Variants in RAB30 observed in about 807,000 individuals in gnomAD.
The protein encoded by RAB30 is RAB30, member RAS oncogene family, also known as ras-related protein Rab-30.
In RAB30, 9 loss-of-function variants were observed where a neutral mutation model predicts 25.1. That is an observed-to-expected ratio of 0.36 (90% confidence interval 0.22 to 0.63). The LOEUF is 0.63. RAB30 is among the 20% of genes least tolerant of loss of function. The probability of loss-of-function intolerance (pLI) is 0.69; values close to 1 mark genes in which losing one functional copy is unlikely to be tolerated. For missense variants in RAB30, 140 were observed against 243.5 expected, an observed-to-expected ratio of 0.58 and a Z score of 2.83; for synonymous variants, 77 against 86.4, an observed-to-expected ratio of 0.89 and a Z score of 0.60.
chr11:83,029,855 C>T (rs1220619736), intron 1 of RAB30, among the ~76,000 whole-genome samples: 3 of 152,110 alleles, frequency 2.0e-5, no homozygotes, highest in Non-Finnish European at 2.9e-5. Flanking sequence ...GAATACTACT[C>T]AGCCATAAAA....
In RAB30 at chr11:83,024,338, C is replaced by T. The variant is rs1016227838; in HGVS notation, c.-8-27014G>A. On this transcript the variant is annotated intron_variant, in intron 1 of 4. Transcript: ENST00000527633. ...AAGGACACAGCGAGCAAGCTCCCCA[C>T]CCATCTACATGCCAAAATAGTGAGG... 3.3e-5 allele frequency among the ~76,000 whole-genome samples: 5 copies of T among 152,324 alleles called. No individual in the cohort carries two copies. In the South Asian group the frequency reaches 6.2e-4, roughly 19 times the overall value.
chr11:83,070,719 T>C (rs1274644406), intron 1 of RAB30, among the ~76,000 whole-genome samples: 2 of 152,216 alleles, frequency 1.3e-5, no homozygotes, highest in Non-Finnish European at 2.9e-5. Context: ...AAATGTCAGT[T>C]CGTTTAAAAA....
At chr11:83,000,408 T>C (rs1177834854) in intron 1 of RAB30, among the ~76,000 whole-genome samples, 10 of 152,192 alleles carry the variant, frequency 6.6e-5, no homozygotes, top group Admixed American at 6.5e-4. Context: ...GTCAAACTCC[T>C]GATAAACACT....
At chr11:83,014,682 GAAAGAAAGAAAGAGA>G in intron 1 of RAB30, among the ~76,000 whole-genome samples, 1 of 137,326 alleles carries the variant, frequency 7.3e-6, no homozygotes, top group African/African-American at 2.9e-5. Flanking sequence ...AAGAAAGAAA[GAAAGAAAGAAAGAGA>G]AAGGAAGGAA....
At chr11:83,016,698 G>A (rs761749829) in intron 1 of RAB30, among the ~76,000 whole-genome samples, 9 of 152,164 alleles carry the variant, frequency 5.9e-5, no homozygotes, top group South Asian at 2.1e-4. Flanking sequence ...ACAATTGACC[G>A]TAATATATAC....
chr11:82,997,211 C>G lies in RAB30; in HGVS notation c.93+13G>C, dbSNP rs899617688. 6.3e-7 allele frequency: 1 copy of G among 1,593,406 alleles called. No individual in the cohort carries two copies. Among genetic ancestry groups the G allele is most frequent in the Non-Finnish European group, 8.6e-7 (1 of 1,161,146 alleles). ...AACCCTGGGCTTACGAGTTCCCTTACGAGTTCCCTTACCTGAGTGAATCTT... is the reference window on the plus strand; with the variant it reads ...AACCCTGGGCTTACGAGTTCCCTTAGGAGTTCCCTTACCTGAGTGAATCTT... On this transcript the variant is annotated intron_variant, in intron 2 of 4. Transcript: ENST00000527633.
chr11:83,070,821 T>C (rs917083800), intron 1 of RAB30, among the ~76,000 whole-genome samples: 2 of 152,194 alleles, frequency 1.3e-5, no homozygotes, highest in African/African-American at 4.8e-5. Flanking sequence ...ACTTTCCCTT[T>C]CTCTAATGTG....
chr11:83,021,759 C>T (rs557746694), intron 1 of RAB30, among the ~76,000 whole-genome samples: 1 of 152,382 alleles, frequency 6.6e-6, no homozygotes, highest in Non-Finnish European at 1.5e-5. Flanking sequence ...GCCAGAAAAG[C>T]AACGCCCCAA....
chr11:82,985,307 A>G (rs536121498), intron 4 of RAB30, among the ~76,000 whole-genome samples: 2 of 152,324 alleles, frequency 1.3e-5, no homozygotes, highest in Non-Finnish European at 2.9e-5. Flanking sequence ...TAATATTACA[A>G]ATATAAACAG....
At chr11:83,003,776 G>T (rs1443921704) in intron 1 of RAB30, among the ~76,000 whole-genome samples, 9 of 151,058 alleles carry the variant, frequency 6.0e-5, no homozygotes, top group Non-Finnish European at 1.2e-4. Flanking sequence ...TTACAAATTT[G>T]TTAATTTAAA....
In RAB30 at chr11:83,070,799, A is replaced by T. The variant is rs550204567; in HGVS notation, c.-9+892T>A. Among the ~76,000 whole-genome samples, 6 of 152,346 alleles carry T rather than the reference A, an allele frequency of 3.9e-5. No homozygotes were observed. In the South Asian group the frequency reaches 1.2e-3, roughly 32 times the overall value. Reference sequence around the variant, plus strand: ...TTTCAGTAATGGCAAATGAAGGTTAACAGCGCTTCTAACTTTCCCTTTCTC... The same window carrying T: ...TTTCAGTAATGGCAAATGAAGGTTATCAGCGCTTCTAACTTTCCCTTTCTC... On this transcript the variant is annotated intron_variant, in intron 1 of 4. Transcript: ENST00000527633.
rs556405630 is a variant in RAB30 at position 82,975,092 on chromosome 11, G to C, written c.*7073C>G. 1 of 152,036 alleles carries C rather than the reference G, an allele frequency of 6.6e-6. No homozygotes were observed. Among genetic ancestry groups the C allele is most frequent in the Non-Finnish European group, 1.5e-5 (1 of 67,936 alleles). 9.4% of individuals were successfully genotyped at this position (152,036 alleles called of 1,614,324 possible). A position where few individuals can be genotyped will look rare whatever the true frequency, so the allele number is the denominator to read the frequency against. On this transcript the variant is annotated 3_prime_UTR_variant, in exon 5 of 5. Transcript: ENST00000527633. ...TTCAGTGAGTAGAAATTAGAAGCCAGCATTTGAAATTTTCTATCACAGGGA... is the reference window on the plus strand; with the variant it reads ...TTCAGTGAGTAGAAATTAGAAGCCACCATTTGAAATTTTCTATCACAGGGA...
chr11:82,997,546 C>T (rs779299823), intron 1 of RAB30: 22 of 479,332 alleles, frequency 4.6e-5, no homozygotes, highest in African/African-American at 2.2e-4. Context: ...GAATAAATGA[C>T]GCAGATGTCG....
rs927922161 is a variant in RAB30, at chr11:82,977,073, GCT to G, written c.*5090_*5091del. On this transcript the variant is annotated 3_prime_UTR_variant, in exon 5 of 5. Transcript: ENST00000527633. ...TGTGAGAACTTTAACAGAAGATTCT[GCT>G]CTGTTAAAAAGGCCTATCCTAAAAT... The G allele has an allele frequency of 6.6e-6, 1 of 152,160 alleles. No individual in the cohort carries two copies. Among genetic ancestry groups the G allele is most frequent in the Non-Finnish European group, 1.5e-5 (1 of 68,016 alleles). 9.4% of individuals were successfully genotyped at this position (152,160 alleles called of 1,614,324 possible).
chr11:83,027,470 G>A (rs1857750685), intron 1 of RAB30, among the ~76,000 whole-genome samples: 1 of 152,096 alleles, frequency 6.6e-6, no homozygotes, highest in Non-Finnish European at 1.5e-5. Flanking sequence ...GCTGGTGAAT[G>A]TACCCAAGGG....
intron 1 of RAB30, among the ~76,000 whole-genome samples, chr11:83,033,513 C>T (rs1420910397): frequency 2.0e-5 from 3 of 152,176 alleles, no homozygotes; most frequent in Non-Finnish European, 2.9e-5. Context: ...TGAGAACACT[C>T]GATATGCCAA....
At position 83,059,390 on chromosome 11, in the gene RAB30, T is replaced by A. The variant is rs143406595; in HGVS notation, c.-9+12301A>T. Among the ~76,000 whole-genome samples, 72 of 152,372 alleles carry A rather than the reference T, an allele frequency of 4.7e-4. No individual in the cohort carries two copies. In the East Asian group the frequency reaches 0.01, roughly 21 times the overall value. On this transcript the variant is annotated intron_variant, in intron 1 of 4. Transcript: ENST00000527633. ...CTGTACTTAGAGAACACCCTAATTC[T>A]TGTTTGCAGTTTCATAGTTTTCCCT...
chr11:83,048,618 G>A (rs529524300), intron 1 of RAB30, among the ~76,000 whole-genome samples: 2 of 152,068 alleles, frequency 1.3e-5, no homozygotes, highest in African/African-American at 2.4e-5. Flanking sequence ...GGCAAACATT[G>A]GCCCCTCTGC....
rs1856578398 is a variant in RAB30 at position 82,978,248 on chromosome 11, C to G, written c.*3917G>C. ...TTTGGAAAAAAAGGAATGGCAAACT[C>G]TAGAAGATCTCTCCCAGAGGCTAAT... On this transcript the variant is annotated 3_prime_UTR_variant, in exon 5 of 5. Coordinates refer to ENST00000527633, the MANE Select transcript of RAB30 (RefSeq NM_001286060.2). 6.6e-6 allele frequency: 1 copy of G among 152,110 alleles called. No homozygotes were observed. The allele number at this position is 152,110 out of a possible 1,614,324, so 9.4% of individuals were successfully genotyped here.
Sources: gnomAD v4.1 joint callset for allele counts (sites outside exome capture counted in the v4.1 genomes callset) on GRCh38, gnomAD v4.1.1 for gene constraint, MANE v1.5 for transcripts, NCBI Gene and HGNC (gene_info 2026-07-23, HGNC 2026-07-21) for gene names.